The following MACROH2A2 variants were observed in gnomAD, a reference collection of about 807,000 sequenced individuals.
The protein encoded by MACROH2A2 is core histone macro-H2A.2.
MACROH2A2 carries 6 observed loss-of-function variants against 37.6 expected under a neutral mutation model. That is an observed-to-expected ratio of 0.16 (90% confidence interval 0.09 to 0.32). MACROH2A2 has a LOEUF of 0.32. Ranked by LOEUF, MACROH2A2 falls within the 10% of genes least tolerant of loss-of-function variation. The probability of loss-of-function intolerance (pLI) is 1.00; values close to 1 mark genes in which losing one functional copy is unlikely to be tolerated. For synonymous variants in MACROH2A2, 192 were observed against 202.7 expected (o/e 0.95, Z 0.45); for missense variants, 290 against 485.9 (o/e 0.60, Z 3.79).
rs116376679 is a variant in MACROH2A2 at position 70,109,270 on chromosome 10, C to T, written c.953+63C>T. The T allele has an allele frequency of 2.0e-4, 270 of 1,380,248 alleles. 1 individual carries two copies. The South Asian group carries it at 3.0e-3, about 15-fold the overall frequency. 85.5% of individuals were successfully genotyped at this position (1,380,248 alleles called of 1,614,324 possible). A position where few individuals can be genotyped will look rare whatever the true frequency, so the allele number is the denominator to read the frequency against. Reference sequence around the variant, plus strand: ...TTTCCCTGGAAATCAGCTGCTCCCCCACTTACATCTGATCTGGGTGTTGCC... The same window carrying T: ...TTTCCCTGGAAATCAGCTGCTCCCCTACTTACATCTGATCTGGGTGTTGCC... On this transcript the variant is annotated intron_variant, in intron 8 of 8. Coordinates refer to ENST00000373255, the MANE Select transcript of MACROH2A2 (RefSeq NM_018649.3).
At position 70,053,368 on chromosome 10, in the gene MACROH2A2, C is replaced by T. The variant is rs945866314; in HGVS notation, c.-60+368C>T. ...GAGGTCTCCTGGGAATGCGGAGTTTCGGGCGCAGGAGCGGGAGGACGGAGG... is the reference window on the plus strand; with the variant it reads ...GAGGTCTCCTGGGAATGCGGAGTTTTGGGCGCAGGAGCGGGAGGACGGAGG... On this transcript the variant is annotated intron_variant, in intron 1 of 8. Coordinates refer to ENST00000373255, the MANE Select transcript of MACROH2A2 (RefSeq NM_018649.3). This position sits in a 1 kb window ranked among gnomAD's most constrained non-coding sequence, Gnocchi z 4.8. Among the ~76,000 whole-genome samples the T allele has an allele frequency of 6.6e-6, 1 of 151,438 alleles. No individual in the cohort carries two copies. The highest frequency in any genetic ancestry group is 2.4e-5 in the African/African-American group (1 of 41,224).
chr10:70,071,572 T>G (rs2072110444), intron 1 of MACROH2A2, among the ~76,000 whole-genome samples: 2 of 152,120 alleles, frequency 1.3e-5, no homozygotes, highest in African/African-American at 4.8e-5. Context: ...ACGAAAGGGG[T>G]ACGTTCTGAG....
Position 70,091,952 on chromosome 10 carries a change from A to G in MACROH2A2, c.475A>G (p.Lys159Glu), listed in dbSNP as rs780886621. The change falls in exon 4 of 9, where the codon AAG becomes GAG. Residue 159 changes from lysine (K) to glutamate (E), a missense_variant and splice_region_variant. Physicochemically the swap from Lys to Glu is moderately conservative, Grantham distance 56 (BLOSUM62 1). Coordinates refer to ENST00000373255, the MANE Select transcript of MACROH2A2 (RefSeq NM_018649.3). ...GGCTGCCAAACCACGGACGTCCAAA[A>G]AGGTAGGCCGAGGCTGCGTGTCCTG... ...SKAAKPRTSK[K>E]SKPKDSDKEG... 1.2e-6 allele frequency: 2 copies of G among 1,611,738 alleles called. No individual in the cohort carries two copies. Among genetic ancestry groups the G allele is most frequent in the South Asian group, 2.2e-5 (2 of 90,992 alleles).
At chr10:70,086,751 C>G (rs934337339) in intron 2 of MACROH2A2, among the ~76,000 whole-genome samples, 6 of 152,116 alleles carry the variant, frequency 3.9e-5, no homozygotes, top group African/African-American at 7.2e-5. Context: ...CTCATTAACC[C>G]CCAGACCCAT....
intron 2 of MACROH2A2, among the ~76,000 whole-genome samples, chr10:70,086,218 CA>C (rs990218926): frequency 8.0e-5 from 12 of 150,320 alleles, no homozygotes; most frequent in African/African-American, 2.9e-4. Context: ...CAAGGATGTC[CA>C]GACTAAACAT....
At chr10:70,089,454 GA>G (rs796093195) in intron 2 of MACROH2A2, among the ~76,000 whole-genome samples, 24 of 152,290 alleles carry the variant, frequency 1.6e-4, no homozygotes, top group African/African-American at 5.5e-4. Flanking sequence ...CATTAGAAAG[GA>G]AAGAAGGGCA....
At chr10:70,062,386 A>G (rs573779817) in intron 1 of MACROH2A2, among the ~76,000 whole-genome samples, 181 of 152,374 alleles carry the variant, frequency 1.2e-3, no homozygotes, top group African/African-American at 4.1e-3. Flanking sequence ...AAATGAATAA[A>G]TTGAATAAAT....
chr10:70,078,741 A>C (rs181833098), intron 2 of MACROH2A2, among the ~76,000 whole-genome samples: 4 of 152,362 alleles, frequency 2.6e-5, no homozygotes, highest in African/African-American at 7.2e-5. Context: ...TTGTATTTTC[A>C]GGCTGAATTT....
intron 1 of MACROH2A2, among the ~76,000 whole-genome samples, chr10:70,060,095 T>G (rs1420177277): frequency 6.6e-6 from 1 of 151,986 alleles, no homozygotes; most frequent in Non-Finnish European, 1.5e-5. Context: ...CAGGGCCAGG[T>G]GCGGTGGTTC....
At chr10:70,060,821 A>G (rs573867491) in intron 1 of MACROH2A2, among the ~76,000 whole-genome samples, 2 of 152,272 alleles carry the variant, frequency 1.3e-5, no homozygotes, top group East Asian at 1.9e-4. Flanking sequence ...TTTAAATTAA[A>G]AGAAAATCTT....
intron 2 of MACROH2A2, among the ~76,000 whole-genome samples, chr10:70,079,085 A>T (rs924801300): frequency 2.0e-5 from 3 of 152,214 alleles, no homozygotes; most frequent in Non-Finnish European, 4.4e-5. Flanking sequence ...GAAACGCCTC[A>T]CAATAAGATC....
intron 1 of MACROH2A2, among the ~76,000 whole-genome samples, chr10:70,059,155 TG>T (rs2072035606): frequency 6.6e-6 from 1 of 152,054 alleles, no homozygotes; most frequent in African/African-American, 2.4e-5. Flanking sequence ...AAGTGACAGG[TG>T]GGGCTCAGAG....
At chr10:70,108,951 C>A in intron 7 of MACROH2A2, 82 bp from the exon 8 acceptor site, 1 of 1,257,546 alleles carries the variant, frequency 8.0e-7, no homozygotes, top group Non-Finnish European at 1.1e-6. Flanking sequence ...ATCTCCAGAT[C>A]TAACAGGTAC....
At chr10:70,056,795 AG>A (rs1421255253) in intron 1 of MACROH2A2, among the ~76,000 whole-genome samples, 2 of 152,198 alleles carry the variant, frequency 1.3e-5, no homozygotes, top group African/African-American at 4.8e-5. Context: ...TACCCTGCCA[AG>A]GTTCAGGTTG....
chr10:70,064,046 A>G (rs565273985), intron 1 of MACROH2A2, among the ~76,000 whole-genome samples: 9 of 152,312 alleles, frequency 5.9e-5, no homozygotes, highest in Admixed American at 4.6e-4. Context: ...TAAGCTAACA[A>G]TCTGAGAGTT....
At chr10:70,093,926 C>G (rs1364993242) in intron 5 of MACROH2A2, 81 bp downstream of exon 5, 2 of 693,958 alleles carry the variant, frequency 2.9e-6, no homozygotes, top group East Asian at 2.7e-5. Context: ...ATGATGCCTC[C>G]TTTCCTCCCC....
At chr10:70,082,366 C>T (rs911215221) in intron 2 of MACROH2A2, among the ~76,000 whole-genome samples, 7 of 149,808 alleles carry the variant, frequency 4.7e-5, no homozygotes, top group Admixed American at 6.7e-5. Context: ...TGCGGTGAGC[C>T]GAGATTGCGC....
chr10:70,092,808 G>A (rs1184629937), intron 4 of MACROH2A2, among the ~76,000 whole-genome samples: 1 of 152,184 alleles, frequency 6.6e-6, no homozygotes, highest in Non-Finnish European at 1.5e-5. Flanking sequence ...AGAGCTCTGT[G>A]TTGCCTTCCA....
chr10:70,111,876 G>T lies in MACROH2A2; in HGVS notation c.*193G>T. ...TCCATCTGTAAGGAAGCAGGTCTCC[G>T]CGAGGGGTTTCTTTCCATGTGTTTT... is the stretch of plus-strand genomic sequence containing the variant. On this transcript the variant is annotated 3_prime_UTR_variant, in exon 9 of 9. Coordinates refer to ENST00000373255, the MANE Select transcript of MACROH2A2 (RefSeq NM_018649.3). The T allele has an allele frequency of 2.4e-6, 1 of 411,476 alleles. No individual in the cohort carries two copies. The highest frequency in any genetic ancestry group is 3.6e-5 in the East Asian group (1 of 27,682). The allele number at this position is 411,476 out of a possible 1,614,324, so 25.5% of individuals were successfully genotyped here. A position where few individuals can be genotyped will look rare whatever the true frequency, so the allele number is the denominator to read the frequency against.
Sources: gnomAD v4.1 joint callset for allele counts (sites outside exome capture counted in the v4.1 genomes callset) on GRCh38, gnomAD v4.1.1 for gene constraint, Gnocchi (gnomAD v3.1) non-coding constraint, MANE v1.5 for transcripts, NCBI Gene and HGNC (gene_info 2026-07-23, HGNC 2026-07-21) for gene names.